The following C1QL3 variants were observed in gnomAD, a reference collection of about 807,000 sequenced individuals.
C1QL3 encodes complement C1q-like protein 3.
C1QL3 carries 4 observed loss-of-function variants against 16.6 expected under a neutral mutation model. That is an observed-to-expected ratio of 0.24 (90% confidence interval 0.12 to 0.55). C1QL3 has a LOEUF of 0.55. Among genes scored for constraint, C1QL3 ranks in the 20% least tolerant of loss-of-function variants. C1QL3 has a pLI of 0.94. For missense variants in C1QL3, 269 were observed against 365.6 expected, an observed-to-expected ratio of 0.74 and a Z score of 2.16; for synonymous variants, 189 against 160.2, an observed-to-expected ratio of 1.18 and a Z score of -1.36.
In C1QL3 at chr10:16,521,140, C is replaced by T; in HGVS notation, c.-75G>A. ...AGCCGGCTCAGCGCGGGGCGATCCT[C>T]TTGTCTGCTTTTGGACAGAATTTTG... On this transcript the variant is annotated 5_prime_UTR_variant, in exon 1 of 2. Coordinates refer to ENST00000298943, the MANE Select transcript of C1QL3 (RefSeq NM_001010908.2). 7.4e-7 allele frequency: 1 copy of T among 1,360,510 alleles called. No individual in the cohort carries two copies. The highest frequency in any genetic ancestry group is 1.0e-6 in the Non-Finnish European group (1 of 992,664). The allele number at this position is 1,360,510 out of a possible 1,614,324, so 84.3% of individuals were successfully genotyped here. A position where few individuals can be genotyped will look rare whatever the true frequency, so the allele number is the denominator to read the frequency against.
chr10:16,520,965 G>A lies in C1QL3; in HGVS notation c.101C>T (p.Pro34Leu). 6.3e-7 allele frequency: 1 copy of A among 1,585,910 alleles called. No individual in the cohort carries two copies. Among genetic ancestry groups the A allele is most frequent in the Non-Finnish European group, 8.5e-7 (1 of 1,173,316 alleles). ...GCTGGGCGCCTTGGTGCCCCCGTAG[G>A]GGTCGCAGACCATGCGGCAGGTGCC... Reference protein sequence around the residue: ...MLGTCRMVCDPYGGTKAPSTA... With the variant: ...MLGTCRMVCDLYGGTKAPSTA... Residue 34 changes from proline to leucine, a missense_variant, in exon 1 of 2, where the codon CCC becomes CTC. Physicochemically the swap from Pro to Leu is moderately conservative, Grantham distance 98. Transcript: ENST00000298943. The surrounding 1 kb of genome is among the most constrained non-coding windows in gnomAD (Gnocchi z 8.3).
In C1QL3 at chr10:16,520,237, C is replaced by T. The variant is rs1003576510; in HGVS notation, c.588+241G>A. 2.6e-5 allele frequency among the ~76,000 whole-genome samples: 4 copies of T among 152,044 alleles called. No individual in the cohort carries two copies. Among genetic ancestry groups the T allele is most frequent in the Non-Finnish European group, 4.4e-5 (3 of 67,978 alleles). On this transcript the variant is annotated intron_variant, in intron 1 of 1. Transcript: ENST00000298943. This position sits in a 1 kb window ranked among gnomAD's most constrained non-coding sequence, Gnocchi z 8.3. Reference sequence around the variant, plus strand: ...CTCGAGGGTCGCGCTCGCAGGGGCGCGCACCGATCGAGGGTCCCAGACTCC... The same window carrying T: ...CTCGAGGGTCGCGCTCGCAGGGGCGTGCACCGATCGAGGGTCCCAGACTCC...
intron 1 of C1QL3, among the ~76,000 whole-genome samples, chr10:16,519,704 G>T (rs891088755): frequency 2.6e-5 from 4 of 152,014 alleles, no homozygotes; most frequent in African/African-American, 9.7e-5. Flanking sequence ...CGAACCGGTC[G>T]CCCCCCAGGC....
In C1QL3 at chr10:16,520,750, C is replaced by T; in HGVS notation, c.316G>A (p.Gly106Arg). The change falls in exon 1 of 2, where the codon GGG becomes AGG. Residue 106 changes from glycine (G) to arginine (R), a missense_variant. This residue lies in a region of C1QL3 where 246 missense variants were observed against 297.2 expected (regional missense o/e 0.83). Coordinates refer to ENST00000298943, the MANE Select transcript of C1QL3 (RefSeq NM_001010908.2). This position sits in a 1 kb window ranked among gnomAD's most constrained non-coding sequence, Gnocchi z 8.3. The part of the protein sequence containing the change: ...PGRQGLPGPP[G>R]APGLNAAGAI... ...CCGGCCGCGTTCAGGCCGGGCGCCC[C>T]GGGCGGGCCCGGCAGGCCTTGGCGG... 1 of 1,398,928 alleles carries T rather than the reference C, an allele frequency of 7.1e-7. No homozygotes were observed. The highest frequency in any genetic ancestry group is 9.3e-7 in the Non-Finnish European group (1 of 1,073,768). 86.7% of individuals were successfully genotyped at this position (1,398,928 alleles called of 1,614,324 possible).
intron 1 of C1QL3, among the ~76,000 whole-genome samples, 157 bp from the exon 2 acceptor site, chr10:16,514,864 G>A (rs1176327062): frequency 1.3e-5 from 2 of 152,200 alleles, no homozygotes; most frequent in Non-Finnish European, 2.9e-5. Flanking sequence ...GGATAGTGCT[G>A]TGGCAGTTTC....
intron 1 of C1QL3, among the ~76,000 whole-genome samples, chr10:16,518,897 T>C (rs1211804459): frequency 6.6e-6 from 1 of 152,154 alleles, no homozygotes; most frequent in Non-Finnish European, 1.5e-5. Flanking sequence ...TCCATTCTGG[T>C]ACAGTGAGTC....
chr10:16,516,999 A>G (rs1341614493), intron 1 of C1QL3, among the ~76,000 whole-genome samples: 1 of 152,218 alleles, frequency 6.6e-6, no homozygotes, highest in Non-Finnish European at 1.5e-5. Context: ...CTCTAAAGAT[A>G]TAACAGGACT....
In C1QL3 at chr10:16,520,434, C is replaced by T. The variant is rs779373082; in HGVS notation, c.588+44G>A. The T allele has an allele frequency of 7.3e-7, 1 of 1,368,240 alleles. No homozygotes were observed. Among genetic ancestry groups the T allele is most frequent in the Non-Finnish European group, 1.0e-6 (1 of 1,004,972 alleles). The allele number at this position is 1,368,240 out of a possible 1,614,324, so 84.8% of individuals were successfully genotyped here. On this transcript the variant is annotated intron_variant, in intron 1 of 1. Transcript: ENST00000298943. This position sits in a 1 kb window ranked among gnomAD's most constrained non-coding sequence, Gnocchi z 8.3. ...GTCTCCTCCCTCTCGCCCGCACCTT[C>T]CCGCGCTCCCTCCCCGCCCTCCCCG...
intron 1 of C1QL3, among the ~76,000 whole-genome samples, chr10:16,516,296 T>C (rs1272129630): frequency 6.6e-6 from 1 of 152,182 alleles, no homozygotes; most frequent in Non-Finnish European, 1.5e-5. Context: ...AATGACGCAG[T>C]TTGACTTCAT....
At position 16,520,801 on chromosome 10, in the gene C1QL3, G is replaced by A. The variant is rs1837029172; in HGVS notation, c.265C>T (p.Pro89Ser). ...CCCGGCTCGCCCTTCTCGCCCGGGG[G>A]CCCCATGGGGCCGGGTGGCCCGGGC... is the stretch of plus-strand genomic sequence containing the variant. The part of the protein sequence containing the change: ...GEPGPPGPMG[P>S]PGEKGEPGRQ... Residue 89 changes from proline (P) to serine (S), a missense_variant, in exon 1 of 2, where the codon CCC becomes TCC. Transcript: ENST00000298943. The surrounding 1 kb of genome is among the most constrained non-coding windows in gnomAD (Gnocchi z 8.3). 1 of 1,305,340 alleles carries A rather than the reference G, an allele frequency of 7.7e-7. No homozygotes were observed. The highest frequency in any genetic ancestry group is 9.7e-7 in the Non-Finnish European group (1 of 1,026,964). The allele number at this position is 1,305,340 out of a possible 1,614,324, so 80.9% of individuals were successfully genotyped here.
Position 16,514,154 on chromosome 10 carries a change from C to T in C1QL3, c.*374G>A. On this transcript the variant is annotated 3_prime_UTR_variant, in exon 2 of 2. Transcript: ENST00000298943. ...TAATAAGCAGGTAAACTCACAAGAACCAAAGCTGACATATGGATAAAAGCA... is the reference window on the plus strand; with the variant it reads ...TAATAAGCAGGTAAACTCACAAGAATCAAAGCTGACATATGGATAAAAGCA... The T allele has an allele frequency of 2.5e-6, 1 of 398,918 alleles. No individual in the cohort carries two copies. 24.7% of individuals were successfully genotyped at this position (398,918 alleles called of 1,614,324 possible).
At chr10:16,517,184 C>A (rs561085146) in intron 1 of C1QL3, among the ~76,000 whole-genome samples, 35 of 152,132 alleles carry the variant, frequency 2.3e-4, no homozygotes, top group African/African-American at 7.0e-4. Flanking sequence ...CGCAATCAAC[C>A]GATTTCTACC....
chr10:16,521,155 A>G lies in C1QL3; in HGVS notation c.-90T>C, dbSNP rs1008229399. The G allele has an allele frequency of 7.1e-6, 9 of 1,275,964 alleles. No homozygotes were observed. Among genetic ancestry groups the G allele is most frequent in the Admixed American group, 2.1e-5 (1 of 47,750 alleles). 79.0% of individuals were successfully genotyped at this position (1,275,964 alleles called of 1,614,324 possible). On this transcript the variant is annotated 5_prime_UTR_variant, in exon 1 of 2. Coordinates refer to ENST00000298943, the MANE Select transcript of C1QL3 (RefSeq NM_001010908.2). ...GGGCGATCCTCTTGTCTGCTTTTGGACAGAATTTTGAAGGTTGGGCGGGGA... is the reference window on the plus strand; with the variant it reads ...GGGCGATCCTCTTGTCTGCTTTTGGGCAGAATTTTGAAGGTTGGGCGGGGA...
At chr10:16,518,321 A>C (rs777134203) in intron 1 of C1QL3, among the ~76,000 whole-genome samples, 7 of 152,252 alleles carry the variant, frequency 4.6e-5, no homozygotes, top group Non-Finnish European at 8.8e-5. Context: ...TGAACTAAAA[A>C]AAAATGTTTA....
rs1423717229 is a variant in C1QL3 at position 16,521,838 on chromosome 10, G to A, written c.-773C>T. 6.5e-6 allele frequency: 1 copy of A among 152,764 alleles called. No homozygotes were observed. The highest frequency in any genetic ancestry group is 1.5e-5 in the Non-Finnish European group (1 of 68,268). The allele number at this position is 152,764 out of a possible 1,614,324, so 9.5% of individuals were successfully genotyped here. The stretch of plus-strand genomic sequence containing the variant: ...GGAGCGGAGCGAGAGAGAGACTGAA[G>A]GCAGAATTCTGCCTGGGTACCACCT... On this transcript the variant is annotated 5_prime_UTR_variant, in exon 1 of 2. Coordinates refer to ENST00000298943, the MANE Select transcript of C1QL3 (RefSeq NM_001010908.2).
chr10:16,514,475 G>T lies in C1QL3; in HGVS notation c.*53C>A. On this transcript the variant is annotated 3_prime_UTR_variant, in exon 2 of 2. Coordinates refer to ENST00000298943, the MANE Select transcript of C1QL3 (RefSeq NM_001010908.2). ...TGGGATCCTTGATTCACTGACGTTA[G>T]CCATACGAATCCAGTGTTCAAACTC... 6.7e-7 allele frequency: 1 copy of T among 1,495,028 alleles called. No homozygotes were observed. Among genetic ancestry groups the T allele is most frequent in the Non-Finnish European group, 9.2e-7 (1 of 1,085,432 alleles). 92.6% of individuals were successfully genotyped at this position (1,495,028 alleles called of 1,614,324 possible).
chr10:16,521,199 C>G lies in C1QL3; in HGVS notation c.-134G>C. On this transcript the variant is annotated 5_prime_UTR_variant, in exon 1 of 2. Coordinates refer to ENST00000298943, the MANE Select transcript of C1QL3 (RefSeq NM_001010908.2). Reference sequence around the variant, plus strand: ...GCGGGGACCTCTTCAGAGCCGAAAACAACCCCCTGCGAACCCCAACTCCCC... The same window carrying G: ...GCGGGGACCTCTTCAGAGCCGAAAAGAACCCCCTGCGAACCCCAACTCCCC... 1.3e-6 allele frequency: 1 copy of G among 784,744 alleles called. No individual in the cohort carries two copies. The highest frequency in any genetic ancestry group is 2.0e-6 in the Non-Finnish European group (1 of 503,556). 48.6% of individuals were successfully genotyped at this position (784,744 alleles called of 1,614,324 possible).
At position 16,520,679 on chromosome 10, in the gene C1QL3, G is replaced by A. The variant is rs1837026796; in HGVS notation, c.387C>T (p.Phe129=). The change falls in exon 1 of 2, where the codon TTC becomes TTT. Residue 129 remains phenylalanine, a synonymous_variant. Transcript: ENST00000298943. This position sits in a 1 kb window ranked among gnomAD's most constrained non-coding sequence, Gnocchi z 8.3. ...ATYSTVPKIA[F]YAGLKRQHEG... ...CATGCTGCCGCTTGAGGCCGGCGTA[G>A]AAGGCGATCTTGGGCACCGTGCTGT... The A allele has an allele frequency of 5.6e-6, 9 of 1,608,740 alleles. No individual in the cohort carries two copies. Among genetic ancestry groups the A allele is most frequent in the Non-Finnish European group, 7.6e-6 (9 of 1,177,654 alleles).
chr10:16,521,126 C>A lies in C1QL3; in HGVS notation c.-61G>T. 1 of 1,450,012 alleles carries A rather than the reference C, an allele frequency of 6.9e-7. No homozygotes were observed. The highest frequency in any genetic ancestry group is 1.9e-5 in the Admixed American group (1 of 52,288). 89.8% of individuals were successfully genotyped at this position (1,450,012 alleles called of 1,614,324 possible). On this transcript the variant is annotated 5_prime_UTR_variant, in exon 1 of 2. Coordinates refer to ENST00000298943, the MANE Select transcript of C1QL3 (RefSeq NM_001010908.2). The stretch of plus-strand genomic sequence containing the variant: ...TCCTGCTGCCCACCAGCCGGCTCAG[C>A]GCGGGGCGATCCTCTTGTCTGCTTT...
Sources: allele counts gnomAD v4.1 joint callset (sites outside exome capture counted in the v4.1 genomes callset), GRCh38; gene constraint gnomAD v4.1.1; regional missense constraint gnomAD v4.1.1; non-coding constraint Gnocchi (gnomAD v3.1); transcripts MANE v1.5; gene names NCBI Gene and HGNC (gene_info 2026-07-23, HGNC 2026-07-21).